Variants in YWHAB observed in about 807,000 individuals in gnomAD.
The protein encoded by YWHAB is 14-3-3 protein beta/alpha.
A neutral mutation model predicts 28.5 loss-of-function variants in YWHAB; 2 were observed. That is an observed-to-expected ratio of 0.07 (90% CI 0.03 to 0.22). The LOEUF (loss-of-function observed/expected upper bound fraction) is 0.22. Ranked by LOEUF, YWHAB falls within the 10% of genes least tolerant of loss-of-function variation. The pLI, the probability that YWHAB is intolerant of heterozygous loss-of-function variation, is 1.00. For missense variants in YWHAB, 148 were observed against 297.1 expected (o/e 0.50, Z 3.69); for synonymous variants, 103 against 104.7 (o/e 0.98, Z 0.10).
At chr20:44,887,251 A>G (rs2145520515) in intron 1 of YWHAB, 1 of 152,314 alleles carries the variant, frequency 6.6e-6, no homozygotes, top group South Asian at 2.1e-4. Context: ...AAAACCTGTC[A>G]ATCTTATTGG....
chr20:44,894,363 A>T (rs2066582939), intron 1 of YWHAB, among the ~76,000 whole-genome samples: 1 of 152,226 alleles, frequency 6.6e-6, no homozygotes, highest in Non-Finnish European at 1.5e-5. Context: ...AGACAAATAA[A>T]GAGTATCTTG....
chr20:44,885,790 C>A lies in YWHAB; in HGVS notation c.-100C>A. 5.7e-6 allele frequency: 1 copy of A among 175,542 alleles called. No individual in the cohort carries two copies. The highest frequency in any genetic ancestry group is 1.1e-4 in the South Asian group (1 of 9,298). The allele number at this position is 175,542 out of a possible 1,614,324, so 10.9% of individuals were successfully genotyped here. A position where few individuals can be genotyped will look rare whatever the true frequency, so the allele number is the denominator to read the frequency against. On this transcript the variant is annotated 5_prime_UTR_variant, in exon 1 of 6. Transcript: ENST00000353703. ...GCCGCCGCTGCAGCCACTGCAGGCA[C>A]CGCTGCCGCCGCCTGAGTAGTGGGC...
At chr20:44,885,973 G>C (rs890771675) in intron 1 of YWHAB, 87 bp downstream of exon 1, 2 of 152,240 alleles carry the variant, frequency 1.3e-5, no homozygotes, top group African/African-American at 4.8e-5. Flanking sequence ...GCGGCCCAGT[G>C]GGTGGGCCCC....
At position 44,902,240 on chromosome 20, in the gene YWHAB, C is replaced by T. The variant is rs537023041; in HGVS notation, c.300+407C>T. On this transcript the variant is annotated intron_variant, in intron 2 of 5. Transcript: ENST00000353703. ...AGCTGAGCTGCCTTTCAGCCTCTCC[C>T]CAGTCATGCCTTCACACTGTAAAGT... is the stretch of plus-strand genomic sequence containing the variant. 2.5e-3 allele frequency: 402 copies of T among 159,924 alleles called. 3 individuals are homozygous for T. Among genetic ancestry groups the T allele is most frequent in the Non-Finnish European group, 3.3e-3 (242 of 72,844 alleles). 9.9% of individuals were successfully genotyped at this position (159,924 alleles called of 1,614,324 possible). A position where few individuals can be genotyped will look rare whatever the true frequency, so the allele number is the denominator to read the frequency against.
At chr20:44,886,368 G>C (rs1455078160) in intron 1 of YWHAB, 2 of 152,274 alleles carry the variant, frequency 1.3e-5, no homozygotes, top group Non-Finnish European at 2.9e-5. Context: ...TGAGTAAGGG[G>C]TTTAACCTTG....
intron 1 of YWHAB, among the ~76,000 whole-genome samples, chr20:44,896,970 A>T (rs1216397130): frequency 1.3e-5 from 2 of 152,224 alleles, no homozygotes; most frequent in Admixed American, 6.5e-5. Context: ...TACAGATTTT[A>T]AAAAGGTGTG....
At chr20:44,892,454 A>C (rs1367247653) in intron 1 of YWHAB, among the ~76,000 whole-genome samples, 1 of 151,930 alleles carries the variant, frequency 6.6e-6, no homozygotes, top group Non-Finnish European at 1.5e-5. Flanking sequence ...ATAGATATAC[A>C]TGTGCTCTTT....
At chr20:44,894,183 G>A (rs2066581416) in intron 1 of YWHAB, among the ~76,000 whole-genome samples, 1 of 152,162 alleles carries the variant, frequency 6.6e-6, no homozygotes, top group South Asian at 2.1e-4. Context: ...CTGTTCTCAA[G>A]CACGTCAGTC....
At chr20:44,895,961 C>T (rs2066593406) in intron 1 of YWHAB, among the ~76,000 whole-genome samples, 1 of 152,126 alleles carries the variant, frequency 6.6e-6, no homozygotes, top group Non-Finnish European at 1.5e-5. Flanking sequence ...GATATTTGTT[C>T]CTACCAATTA....
chr20:44,903,063 A>G (rs2066636486), intron 2 of YWHAB: 1 of 986,338 alleles, frequency 1.0e-6, no homozygotes, highest in Non-Finnish European at 1.2e-6. Flanking sequence ...TTCTAAAACA[A>G]CTCTTCGAAA....
At chr20:44,887,517 A>C (rs2066535540) in intron 1 of YWHAB, 1 of 152,224 alleles carries the variant, frequency 6.6e-6, no homozygotes, top group Non-Finnish European at 1.5e-5. Flanking sequence ...CCTACCCTGT[A>C]ATCTTTTGTA....
chr20:44,903,111 C>G (rs2066636727), intron 2 of YWHAB: 8 of 985,732 alleles, frequency 8.1e-6, no homozygotes, highest in Non-Finnish European at 9.6e-6. Flanking sequence ...TCCTTCAGAA[C>G]TACTTTTGTT....
chr20:44,894,320 G>A (rs2066582526), intron 1 of YWHAB, among the ~76,000 whole-genome samples: 1 of 152,168 alleles, frequency 6.6e-6, no homozygotes, highest in Non-Finnish European at 1.5e-5. Context: ...CAGGCCTGAC[G>A]ATGAGACTAT....
chr20:44,905,269 G>C (rs962418011), intron 4 of YWHAB, 138 bp downstream of exon 4: 3 of 728,758 alleles, frequency 4.1e-6, no homozygotes, highest in African/African-American at 1.8e-5. Flanking sequence ...TCTTTTATGA[G>C]ATAAATACAG....
chr20:44,888,609 T>C (rs1451539838), intron 1 of YWHAB, among the ~76,000 whole-genome samples: 2 of 152,208 alleles, frequency 1.3e-5, no homozygotes, highest in African/African-American at 2.4e-5. Flanking sequence ...TTTACACCAA[T>C]CCTAATAAAG....
intron 2 of YWHAB, 33 bp downstream of exon 2, chr20:44,901,866 G>A: frequency 6.5e-7 from 1 of 1,547,048 alleles, no homozygotes; most frequent in East Asian, 2.3e-5. Context: ...TTGAACAGTG[G>A]TTTCTAAATA....
chr20:44,902,624 T>A (rs181121624), intron 2 of YWHAB: 1 of 152,330 alleles, frequency 6.6e-6, no homozygotes, highest in East Asian at 1.9e-4. Flanking sequence ...ATGACTCCTT[T>A]CTTTTGAAAA....
At chr20:44,895,252 C>T (rs1043359062) in intron 1 of YWHAB, among the ~76,000 whole-genome samples, 1 of 152,120 alleles carries the variant, frequency 6.6e-6, no homozygotes, top group African/African-American at 2.4e-5. Context: ...GTTTCAGACA[C>T]GTTTGAGCAT....
chr20:44,904,415 A>G (rs1303516039), intron 3 of YWHAB, among the ~76,000 whole-genome samples: 1 of 151,812 alleles, frequency 6.6e-6, no homozygotes, highest in African/African-American at 2.4e-5. Flanking sequence ...GTGGTACGAA[A>G]CTACCCTAGT....
Sources: allele counts gnomAD v4.1 joint callset (sites outside exome capture counted in the v4.1 genomes callset), GRCh38; gene constraint gnomAD v4.1.1; transcripts MANE v1.5; gene names NCBI Gene and HGNC (gene_info 2026-07-23, HGNC 2026-07-21).